NTM: variants seen among roughly 807,000 people sequenced by gnomAD.
NTM encodes neurotrimin, also known as IgLON family member 2.
Under a neutral mutation model 42.1 loss-of-function variants are expected in NTM, and 13 were observed. That is an observed-to-expected ratio of 0.31 (90% CI 0.20 to 0.49). The LOEUF (loss-of-function observed/expected upper bound fraction) is 0.49. NTM is among the 20% of genes least tolerant of loss of function. The pLI, the probability that NTM is intolerant of heterozygous loss-of-function variation, is 0.99. For missense variants in NTM, 373 were observed against 452.8 expected (o/e 0.82, Z 1.60); for synonymous variants, 187 against 179.2 (o/e 1.04, Z -0.35).
At chr11:132,315,163 A>ATGTTTGCTAT in intron 7 of NTM, 5 of 806,888 alleles carry the variant, frequency 6.2e-6, no homozygotes, top group Non-Finnish European at 7.5e-6. Context: ...TCAGAGGGGA[A>ATGTTTGCTAT]TGTTTGCTAT....
At chr11:132,251,763 C>T (rs899071869) in intron 4 of NTM, among the ~76,000 whole-genome samples, 13 of 152,138 alleles carry the variant, frequency 8.5e-5, no homozygotes, top group African/African-American at 2.2e-4. Flanking sequence ...CTCAGTGGTA[C>T]GTATGAATGT....
chr11:131,804,689 C>G (rs1483801896), intron 1 of NTM, among the ~76,000 whole-genome samples: 2 of 152,176 alleles, frequency 1.3e-5, no homozygotes, highest in Admixed American at 1.3e-4. Flanking sequence ...CTTGTACCCC[C>G]AGGCCGCATA....
intron 4 of NTM, among the ~76,000 whole-genome samples, chr11:132,296,356 G>T (rs190157535): frequency 3.3e-4 from 51 of 152,298 alleles, no homozygotes; most frequent in African/African-American, 1.2e-3. Context: ...CTTATGTGAT[G>T]CTGTTATTTA....
chr11:131,994,303 G>T (rs1301347639), intron 2 of NTM, among the ~76,000 whole-genome samples: 2 of 152,142 alleles, frequency 1.3e-5, no homozygotes, highest in African/African-American at 4.8e-5. Context: ...GGTGGGAAGG[G>T]AGTTCTGAAA....
At chr11:131,482,432 G>A (rs1293044002) in intron 1 of NTM, among the ~76,000 whole-genome samples, 7 of 152,180 alleles carry the variant, frequency 4.6e-5, no homozygotes, top group African/African-American at 1.7e-4. Flanking sequence ...TTATTCAACA[G>A]ATCGACAAAA....
intron 3 of NTM, among the ~76,000 whole-genome samples, chr11:132,178,598 T>C (rs1390604711): frequency 6.6e-6 from 1 of 152,210 alleles, no homozygotes; most frequent in Admixed American, 6.5e-5. Context: ...CCTTTTCAAA[T>C]GTAAAGTAAT....
Position 132,187,242 on chromosome 11 carries a change from T to TGTGTGC in NTM, c.401-24769_401-24764dup, listed in dbSNP as rs1163138567. On this transcript the variant is annotated intron_variant, in intron 3 of 8. Transcript: ENST00000683400. ...GTGTGTGTGTGTGTGTGTGTGTGTG[T>TGTGTGC]GTGTGCGTGTGCGTGTTTTAAGGAT... Among the ~76,000 whole-genome samples, 19 of 116,832 alleles carry TGTGTGC rather than the reference T, an allele frequency of 1.6e-4. 1 individual carries two copies. The highest frequency in any genetic ancestry group is 5.4e-4 in the African/African-American group (18 of 33,096). The allele number at this position is 116,832 out of a possible 152,430, so 76.6% of individuals were successfully genotyped here.
At chr11:132,137,479 C>T (rs1379135332) in intron 2 of NTM, among the ~76,000 whole-genome samples, 1 of 152,200 alleles carries the variant, frequency 6.6e-6, no homozygotes, top group African/African-American at 2.4e-5. Flanking sequence ...GGATAAAATG[C>T]AGACTCTTTC....
chr11:131,933,332 G>C (rs1175560856), intron 2 of NTM, among the ~76,000 whole-genome samples: 1 of 152,168 alleles, frequency 6.6e-6, no homozygotes, highest in Non-Finnish European at 1.5e-5. Context: ...TGGTGCACTT[G>C]GCCGGTTTGT....
chr11:131,840,360 C>T (rs1334939641), intron 1 of NTM, among the ~76,000 whole-genome samples: 1 of 152,130 alleles, frequency 6.6e-6, no homozygotes, highest in African/African-American at 2.4e-5. Context: ...AGAGCATGTT[C>T]TCCTGGAAGC....
At chr11:132,230,436 C>G (rs903588478) in intron 4 of NTM, among the ~76,000 whole-genome samples, 2 of 152,298 alleles carry the variant, frequency 1.3e-5, no homozygotes, top group Non-Finnish European at 2.9e-5. Flanking sequence ...GGAGATGGGA[C>G]CTGCACCCAG....
At chr11:132,236,014 A>C (rs1427672442) in intron 4 of NTM, among the ~76,000 whole-genome samples, 1 of 147,776 alleles carries the variant, frequency 6.8e-6, no homozygotes, top group East Asian at 1.9e-4. Context: ...ACACACACAC[A>C]CACACACAAC....
intron 1 of NTM, among the ~76,000 whole-genome samples, chr11:131,524,683 T>C (rs916853544): frequency 2.0e-5 from 3 of 152,228 alleles, no homozygotes; most frequent in Non-Finnish European, 2.9e-5. Context: ...AGACAGAATC[T>C]GAGACGTAAT....
chr11:132,025,735 G>T (rs946641179), intron 2 of NTM, among the ~76,000 whole-genome samples: 1 of 152,156 alleles, frequency 6.6e-6, no homozygotes, highest in Non-Finnish European at 1.5e-5. Flanking sequence ...AAGATGAGAA[G>T]CATTGCCCTA....
intron 2 of NTM, among the ~76,000 whole-genome samples, chr11:132,043,168 A>G (rs549800509): frequency 1.3e-5 from 2 of 152,240 alleles, no homozygotes; most frequent in South Asian, 4.2e-4. Flanking sequence ...TAGCTGAGGA[A>G]TCCTAGGTTT....
At chr11:131,407,212 C>T (rs1945895973) in intron 1 of NTM, among the ~76,000 whole-genome samples, 1 of 152,120 alleles carries the variant, frequency 6.6e-6, no homozygotes, top group Non-Finnish European at 1.5e-5. Context: ...AAGGAAGAAA[C>T]CCAAGGCTCT....
chr11:131,771,929 T>C (rs1471118375), intron 1 of NTM, among the ~76,000 whole-genome samples: 6 of 152,202 alleles, frequency 3.9e-5, no homozygotes, highest in African/African-American at 1.4e-4. Flanking sequence ...CATCCATAAT[T>C]CCCAGGATTT....
intron 3 of NTM, among the ~76,000 whole-genome samples, chr11:132,159,587 A>G (rs984777566): frequency 2.6e-5 from 4 of 152,194 alleles, no homozygotes; most frequent in Non-Finnish European, 5.9e-5. Context: ...AGCTTTTTAA[A>G]TAGGAGAAGC....
chr11:132,204,108 C>T (rs1347290556), intron 3 of NTM, among the ~76,000 whole-genome samples: 1 of 152,158 alleles, frequency 6.6e-6, no homozygotes, highest in Non-Finnish European at 1.5e-5. Context: ...TCTCCAATTC[C>T]AGGTAGACCT....
Sources: allele counts gnomAD v4.1 joint callset (sites outside exome capture counted in the v4.1 genomes callset), GRCh38; gene constraint gnomAD v4.1.1; transcripts MANE v1.5; gene names NCBI Gene and HGNC (gene_info 2026-07-23, HGNC 2026-07-21).